BDNF: variants seen among roughly 807,000 people sequenced by gnomAD.
The protein encoded by BDNF is neurotrophic factor BDNF precursor form.
BDNF carries 1 observed loss-of-function variant against 19.5 expected under a neutral mutation model. That is an observed-to-expected ratio of 0.05 (90% CI 0.02 to 0.24). The LOEUF (loss-of-function observed/expected upper bound fraction) is 0.24, where lower values mean the gene tolerates loss of function less well. Ranked by LOEUF, BDNF falls within the 10% of genes least tolerant of loss-of-function variation. The pLI, the probability that BDNF is intolerant of heterozygous loss-of-function variation, is 1.00. For synonymous variants in BDNF, 100 were observed against 121.6 expected, an observed-to-expected ratio of 0.82 and a Z score of 1.17; for missense variants, 195 against 317.6, an observed-to-expected ratio of 0.61 and a Z score of 2.93.
Position 27,658,640 on chromosome 11 carries a change from G to C in BDNF, c.-21-55C>G. 1 of 1,613,688 alleles carries C rather than the reference G, an allele frequency of 6.2e-7. No individual in the cohort carries two copies. Among genetic ancestry groups the C allele is most frequent in the Non-Finnish European group, 8.5e-7 (1 of 1,179,976 alleles). On this transcript the variant is annotated intron_variant, in intron 1 of 1. Transcript: ENST00000356660. This position sits in a 1 kb window ranked among gnomAD's most constrained non-coding sequence, Gnocchi z 5.7. Reference sequence around the variant, plus strand: ...AAACTGGTTAGGGCTTTCTTTCACCGGGATGCCATGTGGCCCATCTGATTG... The same window carrying C: ...AAACTGGTTAGGGCTTTCTTTCACCCGGATGCCATGTGGCCCATCTGATTG...
chr11:27,656,231 C>T lies in BDNF; in HGVS notation c.*1590G>A, dbSNP rs1328315064. The T allele has an allele frequency of 6.6e-6, 1 of 152,174 alleles. No homozygotes were observed. Among genetic ancestry groups the T allele is most frequent in the Non-Finnish European group, 1.5e-5 (1 of 68,066 alleles). 9.4% of individuals were successfully genotyped at this position (152,174 alleles called of 1,614,324 possible). ...TTCAAAGCAATAAGTGTTCAGGTAG[C>T]AAACATCTTCTATCTCATTGCATCA... On this transcript the variant is annotated 3_prime_UTR_variant, in exon 2 of 2. Coordinates refer to ENST00000356660, the MANE Select transcript of BDNF (RefSeq NM_001709.5).
At chr11:27,687,485 G>A (rs1857632428) in intron 1 of BDNF, among the ~76,000 whole-genome samples, 1 of 152,188 alleles carries the variant, frequency 6.6e-6, no homozygotes, top group African/African-American at 2.4e-5. Context: ...GAGGAGAAGA[G>A]GCATTCTGGT....
chr11:27,702,277 G>T (rs1859938275), upstream of BDNF, among the ~76,000 whole-genome samples: 1 of 152,198 alleles, frequency 6.6e-6, no homozygotes, highest in Non-Finnish European at 1.5e-5. Context: ...GTGTTAAAAT[G>T]AAGGTCCCTC....
chr11:27,718,264 AAAT>A (rs1860593033), intron 1 of BDNF, among the ~76,000 whole-genome samples: 1 of 152,124 alleles, frequency 6.6e-6, no homozygotes, highest in Non-Finnish European at 1.5e-5. Context: ...AGAAAGAAAA[AAAT>A]AATAATTCCG....
In BDNF at chr11:27,686,306, G is replaced by C. The variant is rs758041831; in HGVS notation, c.-22+13858C>G. Among the ~76,000 whole-genome samples, 169 of 152,120 alleles carry C rather than the reference G, an allele frequency of 1.1e-3. 3 individuals carry two copies. Among genetic ancestry groups the C allele is most frequent in the Non-Finnish European group, 3.5e-4 (24 of 67,994 alleles). ...TATGTGTGTCTTTGCATGTGAGATG[G>C]GTCTCCAGAACACAGCACACTGATG... On this transcript the variant is annotated intron_variant, in intron 1 of 1. Coordinates refer to ENST00000356660, the MANE Select transcript of BDNF (RefSeq NM_001709.5).
In BDNF at chr11:27,656,657, T is replaced by C; in HGVS notation, c.*1164A>G. On this transcript the variant is annotated 3_prime_UTR_variant, in exon 2 of 2. Transcript: ENST00000356660. ...GTGGATTCCTGTTCTGATCTAGGTG[T>C]TTCTGGGTTGATACAGGGCTCTACC... is the stretch of plus-strand genomic sequence containing the variant. 3.0e-6 allele frequency: 3 copies of C among 985,720 alleles called. No individual in the cohort carries two copies. Among genetic ancestry groups the C allele is most frequent in the Non-Finnish European group, 3.6e-6 (3 of 829,924 alleles). 61.1% of individuals were successfully genotyped at this position (985,720 alleles called of 1,614,324 possible).
chr11:27,670,994 CT>C (rs536979842), intron 1 of BDNF, among the ~76,000 whole-genome samples: 23 of 152,244 alleles, frequency 1.5e-4, no homozygotes, highest in African/African-American at 5.3e-4. Context: ...ATAGCAAATA[CT>C]TGGAGCCAAC....
intron 1 of BDNF, among the ~76,000 whole-genome samples, chr11:27,687,924 A>G (rs889296806): frequency 6.6e-6 from 1 of 152,202 alleles, no homozygotes; most frequent in Non-Finnish European, 1.5e-5. Flanking sequence ...CCCTTAGCAG[A>G]GCTCAAGTGC....
intron 1 of BDNF, among the ~76,000 whole-genome samples, chr11:27,709,383 T>C (rs953827560): frequency 2.0e-5 from 3 of 152,052 alleles, no homozygotes; most frequent in African/African-American, 7.3e-5. Context: ...ATTTAAGAAG[T>C]ATAAAGTATA....
chr11:27,705,288 T>G (rs1271600628), upstream of BDNF, among the ~76,000 whole-genome samples: 4 of 152,188 alleles, frequency 2.6e-5, no homozygotes, highest in Non-Finnish European at 5.9e-5. Flanking sequence ...TAGTTGGTTT[T>G]GCTAGGAGAA....
At chr11:27,697,072 C>T (rs571476299) in intron 1 of BDNF, among the ~76,000 whole-genome samples, 1 of 151,872 alleles carries the variant, frequency 6.6e-6, no homozygotes, top group Non-Finnish European at 1.5e-5. Context: ...AAGCTGCTGG[C>T]TGTGTTATAT....
upstream of BDNF, among the ~76,000 whole-genome samples, chr11:27,703,173 CATGAAGCTGG>C (rs1859979616): frequency 6.6e-6 from 1 of 152,088 alleles, no homozygotes; most frequent in African/African-American, 2.4e-5. Flanking sequence ...GGACAGAGGG[CATGAAGCTGG>C]ATACCGCTAC....
At chr11:27,684,860 A>C (rs4333984) in intron 1 of BDNF, among the ~76,000 whole-genome samples, 151,748 of 152,280 alleles carry the variant, frequency 1, 75,610 homozygotes, top group Middle Eastern at 1. Flanking sequence ...CTACAATTTT[A>C]TTTTTTTGCT....
At chr11:27,713,060 A>T (rs1590496185) in intron 1 of BDNF, among the ~76,000 whole-genome samples, 1 of 147,116 alleles carries the variant, frequency 6.8e-6, no homozygotes, top group East Asian at 2.1e-4. Context: ...GGCATGAACC[A>T]CTAATTTTTT....
Position 27,658,792 on chromosome 11 carries a change from T to C in BDNF, c.-21-207A>G, listed in dbSNP as rs568132062. On this transcript the variant is annotated intron_variant, in intron 1 of 1. Transcript: ENST00000356660. This position sits in a 1 kb window ranked among gnomAD's most constrained non-coding sequence, Gnocchi z 5.7. ...TTTAATATAAACCAGAGACATGCAG[T>C]GTTTCCCCCAAGATCTAGCATATAA... 7.0e-4 allele frequency: 1,017 copies of C among 1,444,796 alleles called. 15 individuals carry two copies. In the South Asian group the frequency reaches 0.014, roughly 20 times the overall value. 89.5% of individuals were successfully genotyped at this position (1,444,796 alleles called of 1,614,324 possible).
At chr11:27,659,554 T>TC (rs1439334625) in intron 1 of BDNF, 4 of 1,000,234 alleles carry the variant, frequency 4.0e-6, no homozygotes, top group Non-Finnish European at 4.8e-6. Context: ...AACCCTTCAC[T>TC]CCTTGGCTTT....
chr11:27,685,008 A>C (rs752367836), intron 1 of BDNF, among the ~76,000 whole-genome samples: 1 of 152,172 alleles, frequency 6.6e-6, no homozygotes, highest in Non-Finnish European at 1.5e-5. Flanking sequence ...GGTAGAATTC[A>C]GCTGTGAATC....
chr11:27,704,263 G>T (rs192632525), upstream of BDNF, among the ~76,000 whole-genome samples: 3 of 152,046 alleles, frequency 2.0e-5, no homozygotes, highest in African/African-American at 4.8e-5. Context: ...TTGTGAATTC[G>T]TCTGAATCTT....
intron 1 of BDNF, among the ~76,000 whole-genome samples, chr11:27,690,747 T>C (rs1159224345): frequency 1.3e-5 from 2 of 152,200 alleles, no homozygotes; most frequent in Non-Finnish European, 2.9e-5. Flanking sequence ...TGTCTTATTT[T>C]CCTTATTTGG....
Sources: allele counts gnomAD v4.1 joint callset (sites outside exome capture counted in the v4.1 genomes callset), GRCh38; gene constraint gnomAD v4.1.1; non-coding constraint Gnocchi (gnomAD v3.1); transcripts MANE v1.5; gene names NCBI Gene and HGNC (gene_info 2026-07-23, HGNC 2026-07-21).